Variants in NFASC observed in about 807,000 individuals in gnomAD.
The protein encoded by NFASC is neurofascin homolog.
NFASC carries 43 observed loss-of-function variants against 147.5 expected under a neutral mutation model. The ratio of observed to expected loss-of-function variants is 0.29; its 90% CI spans 0.23 to 0.38. NFASC has a LOEUF of 0.38. Ranked by LOEUF, NFASC falls within the 10% of genes least tolerant of loss-of-function variation. The pLI, the probability that NFASC is intolerant of heterozygous loss-of-function variation, is 1.00. For missense variants in NFASC, 1,320 were observed against 1,689.0 expected (o/e 0.78, Z 3.83); for synonymous variants, 622 against 665.5 (o/e 0.93, Z 1.01).
At chr1:204,859,916 T>G (rs1263936491) in intron 1 of NFASC, among the ~76,000 whole-genome samples, 1 of 152,228 alleles carries the variant, frequency 6.6e-6, no homozygotes, top group African/African-American at 2.4e-5. Context: ...CAAACTCAGC[T>G]GCCTTCCTGA....
chr1:204,920,159 T>C (rs745932549), intron 1 of NFASC, among the ~76,000 whole-genome samples: 14 of 152,210 alleles, frequency 9.2e-5, no homozygotes, highest in Non-Finnish European at 1.9e-4. Context: ...GACCCTAAAA[T>C]TGGGTCCCCT....
Position 205,016,460 on chromosome 1 carries a change from A to G in NFASC, c.3644A>G (p.Lys1215Arg), listed in dbSNP as rs747776295. 13 of 1,614,078 alleles carry G rather than the reference A, an allele frequency of 8.1e-6. No individual in the cohort carries two copies. The Admixed American group carries it at 1.8e-4, about 23-fold the overall frequency. The change falls in exon 30 of 30, where the codon AAA becomes AGA. Residue 1215 changes from lysine (K) to arginine (R), a missense_variant. Lys to Arg is a conservative substitution (Grantham distance 26). Coordinates refer to ENST00000339876, the MANE Select transcript of NFASC (RefSeq NM_001005388.3). This position sits in a 1 kb window ranked among gnomAD's most constrained non-coding sequence, Gnocchi z 5.1. ...DGSFIGQYTVKKDKEETEGNE... is the reference protein window; with the variant it reads ...DGSFIGQYTVRKDKEETEGNE... The stretch of plus-strand genomic sequence containing the variant: ...TCCTTCATCGGCCAGTACACGGTCA[A>G]AAAGGACAAGGAGGAAACAGAGGGC...
chr1:204,999,124 G>C (rs549986074), intron 25 of NFASC: 2 of 152,128 alleles, frequency 1.3e-5, no homozygotes, highest in East Asian at 3.9e-4. Context: ...GTCTTTTTCA[G>C]ATTTCCAGGG....
intron 3 of NFASC, chr1:204,946,918 G>A: frequency 2.5e-6 from 1 of 407,378 alleles, no homozygotes; most frequent in South Asian, 1.8e-5. Flanking sequence ...ACACAAACAA[G>A]CAGATGGTGA....
At position 204,944,433 on chromosome 1, in the gene NFASC, T is replaced by C. The variant is rs373100436; in HGVS notation, c.91+27T>C. 6 of 1,532,042 alleles carry C rather than the reference T, an allele frequency of 3.9e-6. No homozygotes were observed. The African/African-American group carries it at 8.4e-5, about 21-fold the overall frequency. 94.9% of individuals were successfully genotyped at this position (1,532,042 alleles called of 1,614,324 possible). A position where few individuals can be genotyped will look rare whatever the true frequency, so the allele number is the denominator to read the frequency against. On this transcript the variant is annotated intron_variant, in intron 3 of 29. Transcript: ENST00000339876. ...TGAGTCCTGCCCCATTCTCTTCTCT[T>C]TTTTTTCCTGATTTTGGGCAGAGGG...
intron 1 of NFASC, among the ~76,000 whole-genome samples, chr1:204,876,996 G>GTATATATATATATA (rs60582969): frequency 8.0e-5 from 6 of 74,654 alleles, no homozygotes; most frequent in African/African-American, 2.3e-4. Context: ...GGCTAAATAT[G>GTATATATATATATA]TATATATATA....
intron 3 of NFASC, chr1:204,948,653 G>T (rs747542134): frequency 1.2e-5 from 6 of 519,094 alleles, no homozygotes; most frequent in Non-Finnish European, 2.3e-5. Flanking sequence ...TAGCTCTGCA[G>T]CAAACTTCCT....
At chr1:204,946,021 C>T (rs2093704335) in intron 3 of NFASC, among the ~76,000 whole-genome samples, 1 of 152,110 alleles carries the variant, frequency 6.6e-6, no homozygotes, top group Non-Finnish European at 1.5e-5. Context: ...AATTCTAAAG[C>T]TCTACAGGAA....
At chr1:204,851,330 T>C (rs2102678497) in intron 1 of NFASC, among the ~76,000 whole-genome samples, 1 of 151,952 alleles carries the variant, frequency 6.6e-6, no homozygotes, top group Non-Finnish European at 1.5e-5. Flanking sequence ...GCTTTTCTTT[T>C]TTTTTTTTTT....
intron 21 of NFASC, among the ~76,000 whole-genome samples, chr1:204,982,782 C>A (rs1476853375): frequency 2.0e-5 from 3 of 152,202 alleles, no homozygotes; most frequent in Non-Finnish European, 4.4e-5. Context: ...CCTGTTGAGT[C>A]TGGGTCTGAT....
rs60921990 is a variant in NFASC at position 204,995,315 on chromosome 1, AGTGTGTGTGTGTGTGTGTGTGTGTGTGT to A, written c.2783-1844_2783-1817del. ...GCTTTCCCATGTATGATGTGTGCAC[AGTGTGTGTGTGTGTGTGTGTGTGTGTGT>A]GTGTGTGTGTATGTGTGTCGGTGGG... On this transcript the variant is annotated intron_variant, in intron 24 of 29. Coordinates refer to ENST00000339876, the MANE Select transcript of NFASC (RefSeq NM_001005388.3). Among the ~76,000 whole-genome samples the A allele has an allele frequency of 2.1e-5, 3 of 140,786 alleles. No individual in the cohort carries two copies. In the South Asian group the frequency reaches 7.5e-4, roughly 35 times the overall value. 92.4% of individuals were successfully genotyped at this position (140,786 alleles called of 152,430 possible).
chr1:204,914,830 G>A (rs1032440350), intron 1 of NFASC, among the ~76,000 whole-genome samples: 1 of 152,146 alleles, frequency 6.6e-6, no homozygotes, highest in Non-Finnish European at 1.5e-5. Context: ...TTGAATAACA[G>A]TCTTGCAAAT....
chr1:204,901,191 G>A (rs149527321), intron 1 of NFASC, among the ~76,000 whole-genome samples: 12 of 152,270 alleles, frequency 7.9e-5, no homozygotes, highest in African/African-American at 2.9e-4. Context: ...ATGTCAAGTA[G>A]GCAGTTGGAT....
intron 1 of NFASC, 71 bp from the exon 2 acceptor site, chr1:204,920,561 C>A: frequency 1.2e-6 from 1 of 802,034 alleles, no homozygotes; most frequent in Non-Finnish European, 1.8e-6. Flanking sequence ...AGCTGCAAAC[C>A]ACAAAGGCTT....
intron 27 of NFASC, among the ~76,000 whole-genome samples, chr1:205,005,089 G>C (rs1161651259): frequency 6.6e-6 from 1 of 152,222 alleles, no homozygotes; most frequent in Non-Finnish European, 1.5e-5. Context: ...AGGGCCTCAG[G>C]GGCCCTGAAT....
intron 3 of NFASC, among the ~76,000 whole-genome samples, chr1:204,948,481 G>A (rs934902469): frequency 9.2e-5 from 14 of 152,206 alleles, no homozygotes; most frequent in Admixed American, 3.3e-4. Flanking sequence ...AGCACCCACA[G>A]TCTCCCCTCT....
At position 204,975,180 on chromosome 1, in the gene NFASC, G is replaced by T. The variant is rs76287862; in HGVS notation, c.1559-91G>T. 9,778 of 1,435,144 alleles carry T rather than the reference G, an allele frequency of 6.8e-3. 458 individuals are homozygous for T. In the African/African-American group the frequency reaches 0.11, roughly 16 times the overall value. 88.9% of individuals were successfully genotyped at this position (1,435,144 alleles called of 1,614,324 possible). On this transcript the variant is annotated intron_variant, in intron 14 of 29. Coordinates refer to ENST00000339876, the MANE Select transcript of NFASC (RefSeq NM_001005388.3). The surrounding 1 kb of genome is among the most constrained non-coding windows in gnomAD (Gnocchi z 4.0). ...TGCCCCACTCCATAGTTGGCCCAAG[G>T]CCTCGAGGGCAGACATATGCCACTT... is the stretch of plus-strand genomic sequence containing the variant.
intron 21 of NFASC, among the ~76,000 whole-genome samples, chr1:204,983,510 C>T (rs769867880): frequency 6.6e-6 from 1 of 152,142 alleles, no homozygotes; most frequent in Admixed American, 6.5e-5. Flanking sequence ...AAGCAAGGAC[C>T]GCCCTTAGGA....
chr1:204,988,825 C>G lies in NFASC; in HGVS notation c.2767+19C>G. 1 of 1,612,254 alleles carries G rather than the reference C, an allele frequency of 6.2e-7. No individual in the cohort carries two copies. The highest frequency in any genetic ancestry group is 1.1e-5 in the South Asian group (1 of 91,030). On this transcript the variant is annotated intron_variant, in intron 23 of 29. Coordinates refer to ENST00000339876, the MANE Select transcript of NFASC (RefSeq NM_001005388.3). ...AATGAAGGTAGGTGCATGGCAGCAG[C>G]CCCTGGGGTAAAAGGTCCCAGCTAA... is the stretch of plus-strand genomic sequence containing the variant.
Sources: gnomAD v4.1 joint callset for allele counts (sites outside exome capture counted in the v4.1 genomes callset) on GRCh38, gnomAD v4.1.1 for gene constraint, Gnocchi (gnomAD v3.1) non-coding constraint, MANE v1.5 for transcripts, NCBI Gene and HGNC (gene_info 2026-07-23, HGNC 2026-07-21) for gene names.